Variants in MYCBP2 observed in about 807,000 individuals in gnomAD.
The protein encoded by MYCBP2 is MYC binding protein 2.
Under a neutral mutation model 525.3 loss-of-function variants are expected in MYCBP2, and 120 were observed. That is an observed-to-expected ratio of 0.23 (90% CI 0.20 to 0.27). The LOEUF (loss-of-function observed/expected upper bound fraction) is 0.27, where lower values mean the gene tolerates loss of function less well. MYCBP2 is among the 10% of genes least tolerant of loss of function. The pLI is 1.00. For missense variants in MYCBP2, 4,149 were observed against 5,657.1 expected (o/e 0.73, Z 8.55); for synonymous variants, 1,894 against 1,955.8 (o/e 0.97, Z 0.83).
At chr13:77,279,071 A>G (rs2075921464) in intron 3 of MYCBP2, among the ~76,000 whole-genome samples, 160 bp from the exon 4 acceptor site, 1 of 152,234 alleles carries the variant, frequency 6.6e-6, no homozygotes, top group African/African-American at 2.4e-5. Context: ...ACAATGAACT[A>G]GAGACTAGAT....
Position 77,326,927 on chromosome 13 carries a change from C to T in MYCBP2, c.-152G>A. 1.6e-6 allele frequency: 1 copy of T among 633,228 alleles called. No homozygotes were observed. The highest frequency in any genetic ancestry group is 2.3e-6 in the Non-Finnish European group (1 of 427,214). 39.2% of individuals were successfully genotyped at this position (633,228 alleles called of 1,614,324 possible). On this transcript the variant is annotated 5_prime_UTR_variant, in exon 1 of 83. Coordinates refer to ENST00000544440, the MANE Select transcript of MYCBP2 (RefSeq NM_015057.5). This position sits in a 1 kb window ranked among gnomAD's most constrained non-coding sequence, Gnocchi z 4.2. ...AGACTACAAAGACAGCGACCTCCTTCTCCTCCTCCTTCTTCTCCTCCTCCC... is the reference window on the plus strand; with the variant it reads ...AGACTACAAAGACAGCGACCTCCTTTTCCTCCTCCTTCTTCTCCTCCTCCC...
intron 65 of MYCBP2, chr13:77,080,598 G>C (rs1301231193): frequency 6.6e-6 from 1 of 152,064 alleles, no homozygotes; most frequent in Non-Finnish European, 1.5e-5. Context: ...TGATTATTTG[G>C]GACAGTCTGA....
intron 55 of MYCBP2, among the ~76,000 whole-genome samples, chr13:77,118,782 G>A (rs1042653561): frequency 1.3e-5 from 2 of 151,914 alleles, no homozygotes; most frequent in Non-Finnish European, 2.9e-5. Flanking sequence ...ATGTATGGGA[G>A]AACGAAGACT....
chr13:77,122,801 G>GTGGT (rs1206512910), intron 54 of MYCBP2, among the ~76,000 whole-genome samples: 2 of 151,888 alleles, frequency 1.3e-5, no homozygotes, highest in Non-Finnish European at 2.9e-5. Context: ...TGCTAAACCA[G>GTGGT]TGGTACTGTA....
intron 80 of MYCBP2, 71 bp from the exon 81 acceptor site, chr13:77,051,989 A>T: frequency 2.6e-6 from 3 of 1,148,140 alleles, no homozygotes; most frequent in Non-Finnish European, 3.9e-6. Context: ...CAGTATGGGC[A>T]TAGTGAAAGT....
chr13:77,120,089 G>C (rs951152558), intron 55 of MYCBP2, among the ~76,000 whole-genome samples: 1 of 152,086 alleles, frequency 6.6e-6, no homozygotes, highest in African/African-American at 2.4e-5. Flanking sequence ...TTTAAAGACT[G>C]AAAGCATACA....
Position 77,078,905 on chromosome 13 carries a change from C to A in MYCBP2, c.11419-16G>T. The stretch of plus-strand genomic sequence containing the variant: ...TAACTTTATTCTGAAATAGACAATT[C>A]ACAATAGTTAATATGCTATATTCCT... On this transcript the variant is annotated splice_polypyrimidine_tract_variant and intron_variant, in intron 65 of 82. Coordinates refer to ENST00000544440, the MANE Select transcript of MYCBP2 (RefSeq NM_015057.5). 1 of 1,598,944 alleles carries A rather than the reference C, an allele frequency of 6.3e-7. No individual in the cohort carries two copies. The highest frequency in any genetic ancestry group is 1.1e-5 in the South Asian group (1 of 90,692).
chr13:77,177,696 T>A (rs2059843953), intron 35 of MYCBP2, 52 bp downstream of exon 35: 2 of 1,421,696 alleles, frequency 1.4e-6, no homozygotes, highest in Non-Finnish European at 2.0e-6. Flanking sequence ...CAATGGTAAA[T>A]CCTGATACAC....
At chr13:77,294,131 C>CATATATATATATATATACATAT in intron 2 of MYCBP2, among the ~76,000 whole-genome samples, 1 of 65,692 alleles carries the variant, frequency 1.5e-5, no homozygotes, top group African/African-American at 5.3e-5. Context: ...TATATATATA[C>CATATATATATATATATACATAT]ATATATATAT....
At chr13:77,254,904 A>G (rs2071894486) in intron 14 of MYCBP2, among the ~76,000 whole-genome samples, 1 of 151,942 alleles carries the variant, frequency 6.6e-6, no homozygotes, top group South Asian at 2.1e-4. Context: ...CTTCAGTTCT[A>G]TCCATGTTTC....
chr13:77,095,310 C>T (rs771725231), intron 58 of MYCBP2, 48 bp downstream of exon 58: 52 of 1,600,040 alleles, frequency 3.2e-5, no homozygotes, highest in Non-Finnish European at 4.1e-5. Flanking sequence ...AATAAACAAT[C>T]GCTGTTAATC....
intron 13 of MYCBP2, among the ~76,000 whole-genome samples, chr13:77,259,297 TC>T: frequency 6.6e-6 from 1 of 151,986 alleles, no homozygotes; most frequent in Admixed American, 6.6e-5. Context: ...AGGATCTCAG[TC>T]TATGTCCATA....
At chr13:77,140,010 T>C in intron 51 of MYCBP2, 37 bp downstream of exon 51, 2 of 1,448,832 alleles carry the variant, frequency 1.4e-6, no homozygotes, top group African/African-American at 2.8e-5. Context: ...AAACTTTCTG[T>C]CCAAAATTTA....
At chr13:77,056,860 G>A (rs1250063476) in intron 79 of MYCBP2, 126 bp downstream of exon 79, 10 of 667,344 alleles carry the variant, frequency 1.5e-5, no homozygotes, top group Non-Finnish European at 2.6e-5. Context: ...CCACATGAAT[G>A]AGAAGGGAAG....
intron 43 of MYCBP2, 114 bp downstream of exon 43, chr13:77,164,340 A>C: frequency 1.5e-6 from 1 of 672,538 alleles, no homozygotes; most frequent in Non-Finnish European, 2.6e-6. Context: ...GTTATTGCTC[A>C]TGAATATATG....
At chr13:77,199,796 C>A (rs1002469282) in intron 26 of MYCBP2, among the ~76,000 whole-genome samples, 1 of 152,132 alleles carries the variant, frequency 6.6e-6, no homozygotes, top group Admixed American at 6.5e-5. Context: ...ACACCTCACA[C>A]TGCCTGGTAC....
intron 1 of MYCBP2, among the ~76,000 whole-genome samples, chr13:77,314,111 C>T (rs1268531354): frequency 6.6e-6 from 1 of 152,156 alleles, no homozygotes; most frequent in Non-Finnish European, 1.5e-5. Context: ...CCTACAAAAA[C>T]TAAACCTACT....
At chr13:77,165,235 A>G (rs1254805625) in intron 42 of MYCBP2, 38 bp downstream of exon 42, 2 of 1,514,630 alleles carry the variant, frequency 1.3e-6, no homozygotes, top group African/African-American at 2.8e-5. Flanking sequence ...TAGAAACACA[A>G]TCTTCCTTAA....
chr13:77,111,259 A>G (rs2048770090), intron 55 of MYCBP2, among the ~76,000 whole-genome samples: 3 of 152,156 alleles, frequency 2.0e-5, no homozygotes. Context: ...TATATTTCTC[A>G]ATTTCAAGTT....
Sources: allele counts gnomAD v4.1 joint callset (sites outside exome capture counted in the v4.1 genomes callset), GRCh38; gene constraint gnomAD v4.1.1; non-coding constraint Gnocchi (gnomAD v3.1); transcripts MANE v1.5; gene names NCBI Gene and HGNC (gene_info 2026-07-23, HGNC 2026-07-21).